SLC19A3: variants seen among roughly 807,000 people sequenced by gnomAD.
SLC19A3 encodes solute carrier family 19 member 3.
SLC19A3 carries 31 observed loss-of-function variants against 40.2 expected under a neutral mutation model. The observed-to-expected ratio is 0.77, with a 90% CI of 0.58 to 1.04. The LOEUF (loss-of-function observed/expected upper bound fraction) is 1.04, where lower values mean the gene tolerates loss of function less well. Among genes scored for constraint, SLC19A3 ranks in the 50% least tolerant of loss-of-function variants. SLC19A3 has a pLI of 0.00. For synonymous variants in SLC19A3, 212 were observed against 227.5 expected (o/e 0.93, Z 0.61); for missense variants, 592 against 596.7 (o/e 0.99, Z 0.08).
intron 2 of SLC19A3, 37 bp from the exon 3 acceptor site, chr2:227,699,601 G>A (rs1448572533): frequency 3.9e-6 from 6 of 1,554,836 alleles, no homozygotes; most frequent in Admixed American, 3.3e-5. Context: ...ACGAAGCACC[G>A]GTACTTTACT....
At chr2:227,695,328 T>C (rs1397279928) in intron 4 of SLC19A3, among the ~76,000 whole-genome samples, 1 of 151,822 alleles carries the variant, frequency 6.6e-6, no homozygotes, top group Non-Finnish European at 1.5e-5. Context: ...TGATGCCAGA[T>C]GTAGTGGCTC....
intron 1 of SLC19A3, chr2:227,714,686 A>C (rs71431070): frequency 0.15 from 93,597 of 619,934 alleles, 10,248 homozygotes; most frequent in South Asian, 0.33. Flanking sequence ...GCAGCCGATG[A>C]CATTTGAAAT....
At chr2:227,715,567 A>G (rs557057077) in intron 1 of SLC19A3, among the ~76,000 whole-genome samples, 2 of 152,196 alleles carry the variant, frequency 1.3e-5, no homozygotes, top group African/African-American at 2.4e-5. Flanking sequence ...TTTATCATAT[A>G]TGGTACCATT....
In SLC19A3 at chr2:227,699,350, G is replaced by C; in HGVS notation, c.365C>G (p.Ala122Gly). 6.2e-7 allele frequency: 1 copy of C among 1,614,162 alleles called. No homozygotes were observed. The highest frequency in any genetic ancestry group is 2.2e-5 in the East Asian group (1 of 44,880). The change falls in exon 3 of 6, where the codon GCC becomes GGC. Residue 122 changes from alanine (A) to glycine (G), a missense_variant. Physicochemically the swap from Ala to Gly is moderately conservative, Grantham distance 60 (BLOSUM62 0). Coordinates refer to ENST00000644224, the MANE Select transcript of SLC19A3 (RefSeq NM_025243.4). Reference sequence around the variant, plus strand: ...CACGCTGTATATGTAGGCGTAGTAGGCCACCTCGGCGGCGGTGACCATCCC... The same window carrying C: ...CACGCTGTATATGTAGGCGTAGTAGCCCACCTCGGCGGCGGTGACCATCCC... ...FYGMVTAAEV[A>G]YYAYIYSVVS...
intron 4 of SLC19A3, 141 bp from the exon 5 acceptor site, chr2:227,688,448 T>C (rs1319487279): frequency 2.8e-6 from 2 of 711,944 alleles, no homozygotes; most frequent in Non-Finnish European, 4.8e-6. Flanking sequence ...AGAGAGACTG[T>C]CTGGAAGAAA....
chr2:227,699,334 T>C lies in SLC19A3; in HGVS notation c.381A>G (p.Ile127Met), dbSNP rs776155153. Reference sequence around the variant, plus strand: ...AGTGCTCGGGGCTGACCACGCTGTATATGTAGGCGTAGTAGGCCACCTCGG... The same window carrying C: ...AGTGCTCGGGGCTGACCACGCTGTACATGTAGGCGTAGTAGGCCACCTCGG... ...TAAEVAYYAY[I>M]YSVVSPEHYQ... Residue 127 changes from isoleucine to methionine, a missense_variant, in exon 3 of 6, where the codon ATA (isoleucine) becomes ATG (methionine). Transcript: ENST00000644224. 2 of 1,614,176 alleles carry C rather than the reference T, an allele frequency of 1.2e-6. No individual in the cohort carries two copies. Among genetic ancestry groups the C allele is most frequent in the Admixed American group, 1.7e-5 (1 of 60,018 alleles).
chr2:227,691,530 G>T (rs1226161880), intron 4 of SLC19A3, among the ~76,000 whole-genome samples: 1 of 152,068 alleles, frequency 6.6e-6, no homozygotes, highest in Non-Finnish European at 1.5e-5. Context: ...GATCACTTGA[G>T]CCCAGGAGGC....
intron 1 of SLC19A3, among the ~76,000 whole-genome samples, chr2:227,712,050 CAAAA>C (rs397988111): frequency 1.7e-4 from 11 of 65,462 alleles, no homozygotes; most frequent in African/African-American, 2.1e-4. Context: ...ACTCTGTCTC[CAAAA>C]AAAAAAAAAA....
At chr2:227,702,478 G>T (rs1326747418) in intron 1 of SLC19A3, 158 bp from the exon 2 acceptor site, 1 of 684,052 alleles carries the variant, frequency 1.5e-6, no homozygotes, top group Admixed American at 2.5e-5. Context: ...ATTGCAACCT[G>T]TGCCTCCCGG....
Position 227,688,166 on chromosome 2 carries a change from C to T in SLC19A3, c.1314G>A (p.Gln438=). 2 of 1,613,944 alleles carry T rather than the reference C, an allele frequency of 1.2e-6. No homozygotes were observed. Among genetic ancestry groups the T allele is most frequent in the Non-Finnish European group, 1.7e-6 (2 of 1,179,928 alleles). The change falls in exon 5 of 6, where the codon CAG becomes CAA. Residue 438 remains glutamine (Q), a splice_region_variant and synonymous_variant. Transcript: ENST00000644224. ...QRGLNLPVSI[Q]FLVYGSYFAV... is the part of the protein sequence containing the mutation. ...TGAAAACAGAAGTATTGCAGCTTAC[C>T]TGAATGCTGACTGGCAAGTTGAGCC...
chr2:227,711,261 T>C (rs1033206997), intron 1 of SLC19A3, among the ~76,000 whole-genome samples: 2 of 151,676 alleles, frequency 1.3e-5, no homozygotes, highest in African/African-American at 2.4e-5. Flanking sequence ...CTAATACAAA[T>C]ACAAAAGAAT....
chr2:227,692,011 C>CA (rs113610712), intron 4 of SLC19A3, among the ~76,000 whole-genome samples: 11,315 of 152,012 alleles, frequency 0.074, 1,169 homozygotes, highest in African/African-American at 0.24. Context: ...ACAACCTATC[C>CA]GATTGAACCA....
chr2:227,712,532 T>C (rs990211081), intron 1 of SLC19A3, among the ~76,000 whole-genome samples: 1 of 152,192 alleles, frequency 6.6e-6, no homozygotes, highest in Non-Finnish European at 1.5e-5. Context: ...GCATACCAAA[T>C]GTTGGCAAAG....
Position 227,707,187 on chromosome 2 carries a change from C to A in SLC19A3, c.-2-4867G>T, listed in dbSNP as rs1256697747. On this transcript the variant is annotated intron_variant, in intron 1 of 5. Coordinates refer to ENST00000644224, the MANE Select transcript of SLC19A3 (RefSeq NM_025243.4). ...GGGATACACAGAGGCGCTGATCCAG[C>A]CAACATCTTTGACTTTGAATGAGCC... Among the ~76,000 whole-genome samples, 5 of 152,196 alleles carry A rather than the reference C, an allele frequency of 3.3e-5. No individual in the cohort carries two copies. The South Asian group carries it at 6.2e-4, about 19-fold the overall frequency.
At chr2:227,692,431 C>A (rs1290658128) in intron 4 of SLC19A3, among the ~76,000 whole-genome samples, 1 of 152,104 alleles carries the variant, frequency 6.6e-6, no homozygotes, top group East Asian at 1.9e-4. Flanking sequence ...TAAATCACAT[C>A]GACAGAATGA....
rs1369434652 is a variant in SLC19A3, at chr2:227,703,452, T to C, written c.-2-1132A>G. ...TGCATAATTCCTCTCTTAAGTTCAA[T>C]AGGGTAAACACTGTTTATGTCAACA... On this transcript the variant is annotated intron_variant, in intron 1 of 5. Transcript: ENST00000644224. The surrounding 1 kb of genome is among the most constrained non-coding windows in gnomAD (Gnocchi z 4.7). Among the ~76,000 whole-genome samples, 3 of 152,210 alleles carry C rather than the reference T, an allele frequency of 2.0e-5. No homozygotes were observed. The East Asian group carries it at 5.8e-4, about 29-fold the overall frequency.
chr2:227,707,400 C>T (rs893708801), intron 1 of SLC19A3, among the ~76,000 whole-genome samples: 1 of 152,038 alleles, frequency 6.6e-6, no homozygotes, highest in East Asian at 1.9e-4. Context: ...GCCTGAGCGA[C>T]ACGGTGAAAC....
chr2:227,684,980 CAAAAAAAAAAAAAA>C lies in SLC19A3; in HGVS notation c.*2403_*2416del, dbSNP rs60946199. 10 of 62,420 alleles carry C rather than the reference CAAAAAAAAAAAAAA, an allele frequency of 1.6e-4. No homozygotes were observed. The highest frequency in any genetic ancestry group is 1.4e-3 in the South Asian group (1 of 700). 3.9% of individuals were successfully genotyped at this position (62,420 alleles called of 1,614,324 possible). ...CCTGGGTGACAGAGCAAGATTCTATCAAAAAAAAAAAAAAAAAAAAAAAAAGAAGAAGAAGAAAA... is the reference window on the plus strand; with the variant it reads ...CCTGGGTGACAGAGCAAGATTCTATCAAAAAAAAAAAGAAGAAGAAGAAAA... On this transcript the variant is annotated 3_prime_UTR_variant, in exon 6 of 6. Coordinates refer to ENST00000644224, the MANE Select transcript of SLC19A3 (RefSeq NM_025243.4).
chr2:227,710,902 A>C (rs1456789422), intron 1 of SLC19A3, among the ~76,000 whole-genome samples: 1 of 152,214 alleles, frequency 6.6e-6, no homozygotes, highest in East Asian at 1.9e-4. Flanking sequence ...ATTACTAAAA[A>C]CAAAAATATT....
Sources: allele counts gnomAD v4.1 joint callset (sites outside exome capture counted in the v4.1 genomes callset), GRCh38; gene constraint gnomAD v4.1.1; non-coding constraint Gnocchi (gnomAD v3.1); transcripts MANE v1.5; gene names NCBI Gene and HGNC (gene_info 2026-07-23, HGNC 2026-07-21).